The following ANKS1B variants were observed in gnomAD, a reference collection of about 807,000 sequenced individuals.
ANKS1B encodes ankyrin repeat and sterile alpha motif domain containing 1B.
Under a neutral mutation model 148.3 loss-of-function variants are expected in ANKS1B, and 36 were observed. That is an observed-to-expected ratio of 0.24 (90% CI 0.19 to 0.32). ANKS1B has a LOEUF of 0.32. Among genes scored for constraint, ANKS1B ranks in the 10% least tolerant of loss-of-function variants. ANKS1B has a pLI of 1.00. For synonymous variants in ANKS1B, 542 were observed against 560.8 expected (o/e 0.97, Z 0.47); for missense variants, 1,157 against 1,542.6 (o/e 0.75, Z 4.19).
At chr12:99,598,954 G>A (rs945429219) in intron 9 of ANKS1B, among the ~76,000 whole-genome samples, 1 of 152,002 alleles carries the variant, frequency 6.6e-6, no homozygotes, top group African/African-American at 2.4e-5. Context: ...GAGGCTCTAG[G>A]GGAAATTTCA....
At chr12:99,379,316 G>T (rs556610443) in intron 12 of ANKS1B, among the ~76,000 whole-genome samples, 1 of 152,254 alleles carries the variant, frequency 6.6e-6, no homozygotes, top group South Asian at 2.1e-4. Flanking sequence ...GAATCAGAAT[G>T]GATGGAATCA....
chr12:99,375,244 C>T (rs2093343536), intron 12 of ANKS1B, among the ~76,000 whole-genome samples: 1 of 152,212 alleles, frequency 6.6e-6, no homozygotes, highest in Non-Finnish European at 1.5e-5. Context: ...CAGCCCTGGT[C>T]TGTATCCCTA....
intron 26 of ANKS1B, among the ~76,000 whole-genome samples, chr12:98,749,256 G>A (rs1248039377): frequency 4.6e-5 from 7 of 151,334 alleles, no homozygotes; most frequent in Admixed American, 1.3e-4. Context: ...CCACCACCAC[G>A]CCCAGCTAAC....
intron 17 of ANKS1B, among the ~76,000 whole-genome samples, chr12:98,859,721 A>T (rs1023713901): frequency 1.4e-4 from 21 of 152,238 alleles, no homozygotes; most frequent in Non-Finnish European, 2.9e-5. Flanking sequence ...GGAGATATAA[A>T]AGTATAGGTT....
At chr12:99,788,155 G>A (rs1186326776) in intron 4 of ANKS1B, among the ~76,000 whole-genome samples, 3 of 152,208 alleles carry the variant, frequency 2.0e-5, no homozygotes, top group African/African-American at 7.2e-5. Flanking sequence ...TATGGCTAAC[G>A]AAGTGCCTAT....
intron 17 of ANKS1B, among the ~76,000 whole-genome samples, chr12:98,839,445 C>T (rs1567038739): frequency 6.6e-6 from 1 of 152,076 alleles, no homozygotes; most frequent in Non-Finnish European, 1.5e-5. Context: ...TACGTCTACA[C>T]AGCCTTCCCA....
intron 9 of ANKS1B, chr12:99,649,219 G>A: frequency 1.7e-6 from 2 of 1,206,284 alleles, no homozygotes; most frequent in Non-Finnish European, 2.4e-6. Flanking sequence ...TCTTTTTGTT[G>A]TTTACCTATA....
intron 2 of ANKS1B, among the ~76,000 whole-genome samples, chr12:99,813,454 G>A (rs529014044): frequency 7.9e-5 from 12 of 151,228 alleles, no homozygotes; most frequent in African/African-American, 2.9e-4. Flanking sequence ...TGGGGAGGGT[G>A]AACATAACAG....
chr12:99,263,902 A>C (rs928550041), intron 12 of ANKS1B, among the ~76,000 whole-genome samples: 1 of 152,164 alleles, frequency 6.6e-6, no homozygotes, highest in African/African-American at 2.4e-5. Context: ...TCTTTATATC[A>C]GTGTGAGAAT....
At position 99,137,604 on chromosome 12, in the gene ANKS1B, G is replaced by A. The variant is rs535458511; in HGVS notation, c.2526+16685C>T. 1.7e-4 allele frequency among the ~76,000 whole-genome samples: 26 copies of A among 152,154 alleles called. No individual in the cohort carries two copies. In the South Asian group the frequency reaches 2.7e-3, roughly 16 times the overall value. On this transcript the variant is annotated intron_variant, in intron 15 of 26. Transcript: ENST00000683438. ...CAGAATAAAAATGGACTTTTGCATC[G>A]CCTGGCCCCTGTTTGGTAAAAACCT... is the stretch of plus-strand genomic sequence containing the variant.
chr12:99,483,255 G>T (rs1330493932), intron 10 of ANKS1B, among the ~76,000 whole-genome samples: 2 of 151,562 alleles, frequency 1.3e-5, no homozygotes, highest in Non-Finnish European at 2.9e-5. Context: ...CTATTGAGAT[G>T]ATCATATCAT....
chr12:99,486,599 T>C (rs1259495259), intron 10 of ANKS1B, among the ~76,000 whole-genome samples: 2 of 152,090 alleles, frequency 1.3e-5, no homozygotes, highest in Non-Finnish European at 2.9e-5. Flanking sequence ...AGTAGGTAAA[T>C]GCAATACCCA....
intron 17 of ANKS1B, among the ~76,000 whole-genome samples, chr12:98,921,907 C>T (rs1333120586): frequency 2.0e-5 from 3 of 152,162 alleles, no homozygotes; most frequent in Non-Finnish European, 4.4e-5. Flanking sequence ...AATTCTGTAC[C>T]TTTCAGAATG....
At chr12:99,674,813 T>C (rs2098554737) in intron 8 of ANKS1B, among the ~76,000 whole-genome samples, 1 of 151,934 alleles carries the variant, frequency 6.6e-6, no homozygotes, top group Non-Finnish European at 1.5e-5. Context: ...ATTTGAACAT[T>C]AATACTAAAA....
At chr12:99,725,592 T>A (rs1306750333) in intron 8 of ANKS1B, among the ~76,000 whole-genome samples, 1 of 152,140 alleles carries the variant, frequency 6.6e-6, no homozygotes, top group East Asian at 1.9e-4. Flanking sequence ...ATTGGACACA[T>A]CAATGAGACA....
chr12:99,021,450 C>T (rs1234519052), intron 17 of ANKS1B, among the ~76,000 whole-genome samples: 1 of 152,006 alleles, frequency 6.6e-6, no homozygotes, highest in African/African-American at 2.4e-5. Flanking sequence ...TAAGAAACAT[C>T]TAAGTATTGG....
intron 17 of ANKS1B, among the ~76,000 whole-genome samples, chr12:98,853,971 T>C (rs1252485429): frequency 1.3e-5 from 2 of 152,190 alleles, no homozygotes; most frequent in Admixed American, 6.5e-5. Context: ...CATTATGATC[T>C]GGGACCAGGG....
intron 22 of ANKS1B, among the ~76,000 whole-genome samples, chr12:98,790,009 C>T (rs1020137521): frequency 8.5e-5 from 13 of 152,094 alleles, no homozygotes; most frequent in African/African-American, 3.1e-4. Context: ...GGTAAAATCA[C>T]AGTTGTTTTT....
At chr12:99,307,657 G>A (rs2082540540) in intron 12 of ANKS1B, among the ~76,000 whole-genome samples, 1 of 151,890 alleles carries the variant, frequency 6.6e-6, no homozygotes, top group Admixed American at 6.6e-5. Context: ...AGTTGTGGTG[G>A]AAAAACACCT....
Sources: gnomAD v4.1 joint callset for allele counts (sites outside exome capture counted in the v4.1 genomes callset) on GRCh38, gnomAD v4.1.1 for gene constraint, MANE v1.5 for transcripts, NCBI Gene and HGNC (gene_info 2026-07-23, HGNC 2026-07-21) for gene names.